The following USH2A variants were observed in gnomAD, a reference collection of about 807,000 sequenced individuals.
USH2A encodes the protein Usher syndrome 2A (autosomal recessive, mild).
In USH2A, 443 loss-of-function variants were observed where a neutral mutation model predicts 538.9. The ratio of observed to expected loss-of-function variants is 0.82; its 90% CI spans 0.76 to 0.89. The LOEUF (loss-of-function observed/expected upper bound fraction) is 0.89. Among genes scored for constraint, USH2A ranks in the 40% least tolerant of loss-of-function variants. USH2A has a pLI of 0.00. For synonymous variants in USH2A, 2,413 were observed against 2,273.5 expected, an observed-to-expected ratio of 1.06 and a Z score of -1.75; for missense variants, 6,633 against 6,324.8, an observed-to-expected ratio of 1.05 and a Z score of -1.65.
At chr1:216,142,905 T>C (rs1210968445) in intron 21 of USH2A, among the ~76,000 whole-genome samples, 1 of 152,174 alleles carries the variant, frequency 6.6e-6, no homozygotes, top group East Asian at 1.9e-4. Flanking sequence ...TTAAACCCAT[T>C]ACTTCTTGAA....
intron 56 of USH2A, among the ~76,000 whole-genome samples, chr1:215,763,986 A>C (rs1394784100): frequency 6.6e-6 from 1 of 152,166 alleles, no homozygotes; most frequent in Non-Finnish European, 1.5e-5. Context: ...AGGTGGTAGT[A>C]TTTGAGAGAA....
intron 3 of USH2A, among the ~76,000 whole-genome samples, chr1:216,373,806 A>G (rs977701626): frequency 1.6e-4 from 25 of 152,054 alleles, no homozygotes; most frequent in Non-Finnish European, 4.4e-5. Flanking sequence ...AGAGACACGT[A>G]TGTTTATTGC....
chr1:215,819,612 A>G (rs1420204714), intron 47 of USH2A, among the ~76,000 whole-genome samples: 1 of 151,790 alleles, frequency 6.6e-6, no homozygotes, highest in Non-Finnish European at 1.5e-5. Flanking sequence ...TTCTCTGCAT[A>G]ATCAACTACA....
intron 67 of USH2A, among the ~76,000 whole-genome samples, chr1:215,641,541 T>A (rs142359984): frequency 3.3e-4 from 50 of 152,328 alleles, no homozygotes; most frequent in African/African-American, 1.2e-3. Flanking sequence ...GAATAATTTT[T>A]GTGGAAACAA....
intron 14 of USH2A, among the ~76,000 whole-genome samples, chr1:216,218,695 T>C (rs1463556122): frequency 1.3e-5 from 2 of 152,070 alleles, no homozygotes; most frequent in Non-Finnish European, 2.9e-5. Flanking sequence ...CACTGTACTG[T>C]AGTTTGCCGT....
intron 38 of USH2A, among the ~76,000 whole-genome samples, chr1:215,918,253 G>C (rs1024094455): frequency 1.3e-4 from 20 of 151,984 alleles, no homozygotes; most frequent in African/African-American, 4.8e-4. Flanking sequence ...ACTTAAATGT[G>C]GGGTGTCTGC....
In USH2A at chr1:216,061,651, A is replaced by G. The variant is rs144557434; in HGVS notation, c.6049+8450T>C. 2.4e-4 allele frequency among the ~76,000 whole-genome samples: 36 copies of G among 152,336 alleles called. No individual in the cohort carries two copies. The East Asian group carries it at 5.6e-3, about 24-fold the overall frequency. On this transcript the variant is annotated intron_variant, in intron 30 of 71. Transcript: ENST00000307340. ...TTTGCATGTGGGGCACACAGCCATC[A>G]GTATATTTTTTAAAGCTCCCCAGTT...
At chr1:216,275,793 T>C (rs1365563626) in intron 11 of USH2A, among the ~76,000 whole-genome samples, 1 of 152,144 alleles carries the variant, frequency 6.6e-6, no homozygotes, top group Non-Finnish European at 1.5e-5. Flanking sequence ...ATAAATTAAT[T>C]TGCTGCTTCT....
intron 21 of USH2A, among the ~76,000 whole-genome samples, chr1:216,122,680 C>T (rs897381366): frequency 6.6e-6 from 1 of 152,122 alleles, no homozygotes; most frequent in Non-Finnish European, 1.5e-5. Context: ...AGGCCAGATT[C>T]TTCTGCAAGA....
Position 215,844,516 on chromosome 1 carries a change from C to T in USH2A, c.9056-20G>A. On this transcript the variant is annotated intron_variant, in intron 45 of 71. Coordinates refer to ENST00000307340, the MANE Select transcript of USH2A (RefSeq NM_206933.4). ...GAGGCTCTAGAATTAAAGGAAGAAA[C>T]TGAATAAACTCCAGCTGTCTCTGAA... 6.2e-7 allele frequency: 1 copy of T among 1,603,036 alleles called. No individual in the cohort carries two copies. Among genetic ancestry groups the T allele is most frequent in the South Asian group, 1.1e-5 (1 of 91,048 alleles).
intron 11 of USH2A, among the ~76,000 whole-genome samples, chr1:216,288,306 TA>T (rs1373159414): frequency 1.3e-5 from 2 of 152,146 alleles, no homozygotes; most frequent in Admixed American, 1.3e-4. Context: ...TCTTTATTAA[TA>T]ATTTTTCTAC....
intron 35 of USH2A, among the ~76,000 whole-genome samples, chr1:215,987,061 A>C (rs1335822516): frequency 6.6e-6 from 1 of 152,218 alleles, no homozygotes; most frequent in Admixed American, 6.5e-5. Flanking sequence ...TAAAAAAAAC[A>C]CATATTCTAA....
chr1:216,046,569 C>T lies in USH2A; in HGVS notation c.6187G>A (p.Val2063Ile). 6.2e-7 allele frequency: 1 copy of T among 1,613,814 alleles called. No individual in the cohort carries two copies. The highest frequency in any genetic ancestry group is 8.5e-7 in the Non-Finnish European group (1 of 1,179,770). Residue 2063 changes from valine to isoleucine, a missense_variant, in exon 32 of 72, where the codon GTA becomes ATA. By Grantham distance (29) the Val-to-Ile change is conservative. Transcript: ENST00000307340. ...QEAPQEVQPP[V>I]AKSLPSSLLL... ...AAAGAACTGGGAAGGGATTTGGCTA[C>T]TGGTGGCTGAACCTCTTGTGGGGCT... is the stretch of plus-strand genomic sequence containing the variant.
chr1:216,404,334 G>A (rs1319729736), intron 3 of USH2A, among the ~76,000 whole-genome samples: 1 of 151,964 alleles, frequency 6.6e-6, no homozygotes. Flanking sequence ...GCCCTAAAAG[G>A]TTTATTATTT....
intron 32 of USH2A, among the ~76,000 whole-genome samples, chr1:216,014,597 GAGCCCCTGAGCAACA>G (rs1304910419): frequency 6.6e-6 from 1 of 152,200 alleles, no homozygotes; most frequent in East Asian, 1.9e-4. Context: ...CTGTTTGTAA[GAGCCCCTGAGCAACA>G]ACATCTTGTT....
chr1:216,086,607 T>A (rs2032141140), intron 24 of USH2A, 112 bp downstream of exon 24: 4 of 937,580 alleles, frequency 4.3e-6, no homozygotes, highest in Non-Finnish European at 4.9e-6. Context: ...CACATTAATA[T>A]AGAAAATATA....
At chr1:216,276,723 T>C (rs997560410) in intron 11 of USH2A, among the ~76,000 whole-genome samples, 5 of 152,094 alleles carry the variant, frequency 3.3e-5, no homozygotes, top group African/African-American at 4.8e-5. Context: ...GCAAGTCACC[T>C]CTTACATGGA....
intron 21 of USH2A, among the ~76,000 whole-genome samples, chr1:216,129,141 T>C (rs927428304): frequency 6.6e-6 from 1 of 152,162 alleles, no homozygotes; most frequent in Non-Finnish European, 1.5e-5. Context: ...ATTTTCTTTA[T>C]TCATTCATCC....
intron 69 of USH2A, among the ~76,000 whole-genome samples, 196 bp from the exon 70 acceptor site, chr1:215,634,899 C>T (rs184535873): frequency 6.6e-6 from 1 of 152,330 alleles, no homozygotes; most frequent in African/African-American, 2.4e-5. Context: ...ATGCTTACAG[C>T]CCTTGAGAGG....
Sources: gnomAD v4.1 joint callset for allele counts (sites outside exome capture counted in the v4.1 genomes callset) on GRCh38, gnomAD v4.1.1 for gene constraint, MANE v1.5 for transcripts, NCBI Gene and HGNC (gene_info 2026-07-23, HGNC 2026-07-21) for gene names.